MREG: variants seen among roughly 807,000 people sequenced by gnomAD.
MREG encodes dilute suppressor protein homolog.
In MREG, 31 loss-of-function variants were observed where a neutral mutation model predicts 28.5. That is an observed-to-expected ratio of 1.09 (90% CI 0.82 to 1.47). MREG has a LOEUF of 1.47. Ranked by LOEUF, MREG falls within the 40% of genes most tolerant of loss-of-function variation. The pLI is 0.00. For synonymous variants in MREG, 106 were observed against 95.2 expected (o/e 1.11, Z -0.66); for missense variants, 256 against 257.4 (o/e 0.99, Z 0.04).
chr2:216,018,597 G>C (rs977404992), intron 1 of MREG, among the ~76,000 whole-genome samples: 1 of 152,176 alleles, frequency 6.6e-6, no homozygotes, highest in African/African-American at 2.4e-5. Flanking sequence ...TAGGGTTTCT[G>C]AAACAAACCA....
At chr2:216,018,236 T>C (rs757451375), upstream of MREG, among the ~76,000 whole-genome samples, 2 of 152,204 alleles carry the variant, frequency 1.3e-5, no homozygotes, top group Non-Finnish European at 2.9e-5. Flanking sequence ...CAACATAGCA[T>C]GAGCTGGTAT....
At chr2:216,029,567 G>A (rs930387702) in intron 1 of MREG, among the ~76,000 whole-genome samples, 8 of 152,352 alleles carry the variant, frequency 5.3e-5, no homozygotes, top group South Asian at 2.1e-4. Context: ...CCTGCCTCCA[G>A]GCTGGCCCTT....
chr2:215,994,096 T>C (rs894427994), intron 2 of MREG, among the ~76,000 whole-genome samples: 1 of 151,852 alleles, frequency 6.6e-6, no homozygotes, highest in Non-Finnish European at 1.5e-5. Context: ...CATTCTACTA[T>C]AAAGGCACAT....
chr2:215,945,576 CAAAG>C lies in MREG; in HGVS notation c.501_504del (p.Phe168LeufsTer82). ...GAAAAAAAGCATCCACTTACCACAA[CAAAG>C]AGATATCTCTCTGAGAGCTCCCAAC... On this transcript the variant is annotated frameshift_variant, in exon 4 of 5. Transcript: ENST00000263268. LOFTEE classifies it high-confidence loss of function. The C allele has an allele frequency of 6.2e-7, 1 of 1,612,148 alleles. No individual in the cohort carries two copies. The highest frequency in any genetic ancestry group is 8.5e-7 in the Non-Finnish European group (1 of 1,179,368).
Position 215,943,504 on chromosome 2 carries a change from C to G in MREG, c.*1359G>C, listed in dbSNP as rs1199466257. Reference sequence around the variant, plus strand: ...ACAGATGAAAGAGGAGAGAAGAAAACAGAGGTCAAACACTTCAGTTTACAG... The same window carrying G: ...ACAGATGAAAGAGGAGAGAAGAAAAGAGAGGTCAAACACTTCAGTTTACAG... On this transcript the variant is annotated 3_prime_UTR_variant, in exon 5 of 5. Transcript: ENST00000263268. The G allele has an allele frequency of 2.2e-6, 1 of 456,552 alleles. No homozygotes were observed. The highest frequency in any genetic ancestry group is 4.4e-6 in the Non-Finnish European group (1 of 226,944). The allele number at this position is 456,552 out of a possible 1,614,324, so 28.3% of individuals were successfully genotyped here. A position where few individuals can be genotyped will look rare whatever the true frequency, so the allele number is the denominator to read the frequency against.
chr2:215,981,524 T>C (rs1574624038), intron 2 of MREG, among the ~76,000 whole-genome samples: 3 of 151,970 alleles, frequency 2.0e-5, no homozygotes, highest in South Asian at 4.2e-4. Context: ...GGGCACAGAG[T>C]TTTAGTTTGA....
chr2:215,948,307 C>G (rs1004598616), intron 2 of MREG, among the ~76,000 whole-genome samples: 6 of 152,204 alleles, frequency 3.9e-5, no homozygotes, highest in African/African-American at 1.4e-4. Flanking sequence ...GATCTTGAAT[C>G]TGAGGATATG....
intron 1 of MREG, among the ~76,000 whole-genome samples, chr2:216,025,723 C>T (rs924480743): frequency 1.3e-5 from 2 of 152,194 alleles, no homozygotes; most frequent in African/African-American, 4.8e-5. Flanking sequence ...CAGCTAGGGC[C>T]GTGTCGGGCA....
chr2:216,029,496 T>C lies in MREG; in HGVS notation c.-68+3293A>G, dbSNP rs572956717. ...ATCTCAAAAGAAGGATTGAGGCTGCTGAGTTAGGACGACAAAGGCAAAATG... is the reference window on the plus strand; with the variant it reads ...ATCTCAAAAGAAGGATTGAGGCTGCCGAGTTAGGACGACAAAGGCAAAATG... On this transcript the variant is annotated intron_variant, in intron 1 of 3. Coordinates refer to the MREG transcript ENST00000420348. 2.6e-4 allele frequency among the ~76,000 whole-genome samples: 40 copies of C among 152,274 alleles called. No homozygotes were observed. In the South Asian group the frequency reaches 7.7e-3, roughly 29 times the overall value.
chr2:215,972,546 G>A (rs1454693372), intron 2 of MREG, among the ~76,000 whole-genome samples: 1 of 151,136 alleles, frequency 6.6e-6, no homozygotes, highest in African/African-American at 2.4e-5. Flanking sequence ...GGGAGTCTGA[G>A]GCGAGGTTGC....
rs1458212813 is a variant in MREG, at chr2:216,004,552, C to CA, written c.96-8088dup. ...GAGTTAGACTCTGCCTCAAAAAAAA[C>CA]AAAAAAACAAACAAAAAAAAAAAAC... On this transcript the variant is annotated intron_variant, in intron 1 of 4. Coordinates refer to ENST00000263268, the MANE Select transcript of MREG (RefSeq NM_018000.3). Among the ~76,000 whole-genome samples, 51 of 100,200 alleles carry CA rather than the reference C, an allele frequency of 5.1e-4. No individual in the cohort carries two copies. In the South Asian group the frequency reaches 5.4e-3, roughly 11 times the overall value. 65.7% of individuals were successfully genotyped at this position (100,200 alleles called of 152,430 possible).
At chr2:215,947,440 T>C (rs73988057) in intron 2 of MREG, among the ~76,000 whole-genome samples, 2,753 of 152,318 alleles carry the variant, frequency 0.018, 87 homozygotes, top group African/African-American at 0.062. Flanking sequence ...AAGAATGTTA[T>C]AAAGATTGAT....
chr2:215,979,660 G>A (rs2105999108), intron 2 of MREG, among the ~76,000 whole-genome samples: 1 of 151,822 alleles, frequency 6.6e-6, no homozygotes, highest in South Asian at 2.1e-4. Context: ...TTAACCTCTT[G>A]GGTCTCTCAC....
chr2:215,995,500 ACCCAC>A (rs1301927112), intron 2 of MREG, among the ~76,000 whole-genome samples: 2 of 130,452 alleles, frequency 1.5e-5, no homozygotes, highest in South Asian at 2.5e-4. Context: ...CAGCACCTCC[ACCCAC>A]CCCACCCCCC....
At chr2:215,958,186 A>G (rs1346495683) in intron 2 of MREG, among the ~76,000 whole-genome samples, 2 of 151,952 alleles carry the variant, frequency 1.3e-5, no homozygotes, top group African/African-American at 4.8e-5. Context: ...CAGCACACCA[A>G]CATGGCACAT....
intron 1 of MREG, among the ~76,000 whole-genome samples, chr2:216,031,475 G>GAAAGAGAAAGAA (rs373434476): frequency 1.5e-5 from 2 of 132,818 alleles, no homozygotes; most frequent in African/African-American, 6.0e-5. Flanking sequence ...AAGAAAGAAA[G>GAAAGAGAAAGAA]AGAAAGAAAG....
intron 2 of MREG, among the ~76,000 whole-genome samples, chr2:215,964,428 G>T (rs768239068): frequency 6.6e-6 from 1 of 151,956 alleles, no homozygotes; most frequent in Non-Finnish European, 1.5e-5. Flanking sequence ...AGGTTGCAGT[G>T]AGCCAAGATT....
intron 2 of MREG, among the ~76,000 whole-genome samples, chr2:215,966,956 A>T (rs953314673): frequency 6.6e-6 from 1 of 151,980 alleles, no homozygotes; most frequent in African/African-American, 2.4e-5. Context: ...ACACCCCCAT[A>T]ATCTTTAACT....
Position 215,946,937 on chromosome 2 carries a change from C to G in MREG, c.346+86G>C, listed in dbSNP as rs2303843. The G allele has an allele frequency of 4.3e-4, 352 of 822,232 alleles. 4 individuals are homozygous for G. In the East Asian group the frequency reaches 8.9e-3, roughly 21 times the overall value. 50.9% of individuals were successfully genotyped at this position (822,232 alleles called of 1,614,324 possible). ...CTTAATTAGGCAATTATTGACATTC[C>G]TTTTATAAAAACCATGGTGGAGAAA... On this transcript the variant is annotated intron_variant, in intron 3 of 4. Transcript: ENST00000263268.
Sources: allele counts gnomAD v4.1 joint callset (sites outside exome capture counted in the v4.1 genomes callset), GRCh38; gene constraint gnomAD v4.1.1; transcripts MANE v1.5; gene names NCBI Gene and HGNC (gene_info 2026-07-23, HGNC 2026-07-21).